Variants in ADGRV1 observed in about 807,000 individuals in gnomAD.
The protein encoded by ADGRV1 is G-protein coupled receptor 98.
A neutral mutation model predicts 596.2 loss-of-function variants in ADGRV1; 359 were observed. The observed-to-expected ratio is 0.60, with a 90% CI of 0.55 to 0.66. ADGRV1 has a LOEUF of 0.66. Among genes scored for constraint, ADGRV1 ranks in the 30% least tolerant of loss-of-function variants. The pLI is 0.00. For synonymous variants in ADGRV1, 2,681 were observed against 2,679.2 expected (o/e 1.00, Z -0.02); for missense variants, 7,274 against 7,575.6 (o/e 0.96, Z 1.48).
intron 85 of ADGRV1, among the ~76,000 whole-genome samples, chr5:91,041,222 G>A (rs1431379426): frequency 6.6e-6 from 1 of 152,084 alleles, no homozygotes; most frequent in Admixed American, 6.5e-5. Context: ...CAATAGCAAA[G>A]ACTTGGAACC....
intron 72 of ADGRV1, among the ~76,000 whole-genome samples, chr5:90,806,954 G>A (rs1339967414): frequency 3.9e-5 from 6 of 151,986 alleles, no homozygotes; most frequent in Non-Finnish European, 1.5e-5. Context: ...CCGGGCTCAA[G>A]GTATTCTCCT....
At chr5:90,988,581 T>C (rs1393056864) in intron 85 of ADGRV1, among the ~76,000 whole-genome samples, 2 of 152,082 alleles carry the variant, frequency 1.3e-5, no homozygotes, top group Non-Finnish European at 2.9e-5. Context: ...CTGAGCTCCA[T>C]ACCCATATTA....
chr5:90,570,877 A>G (rs1408519292), intron 1 of ADGRV1, among the ~76,000 whole-genome samples: 1 of 152,042 alleles, frequency 6.6e-6, no homozygotes, highest in Non-Finnish European at 1.5e-5. Flanking sequence ...AATATATTTA[A>G]AACAGTTGAT....
chr5:90,644,921 T>G, intron 15 of ADGRV1, 52 bp downstream of exon 15: 1 of 1,228,568 alleles, frequency 8.1e-7, no homozygotes, highest in South Asian at 1.7e-5. Flanking sequence ...GATCAATAAT[T>G]ATTTTTTATT....
At position 90,720,084 on chromosome 5, in the gene ADGRV1, G is replaced by A; in HGVS notation, c.9484G>A (p.Glu3162Lys). The A allele has an allele frequency of 1.9e-6, 3 of 1,613,772 alleles. No individual in the cohort carries two copies. Among genetic ancestry groups the A allele is most frequent in the Non-Finnish European group, 2.5e-6 (3 of 1,179,708 alleles). The part of the protein sequence containing the change: ...QISAILDTEP[E>K]MDEYFVCTLF... The stretch of plus-strand genomic sequence containing the variant: ...ATCTGCCATATTAGACACGGAACCA[G>A]AAATGGATGAGTATTTTGTTTGCAC... Residue 3162 changes from glutamate (E) to lysine (K), a missense_variant, in exon 44 of 90, where the codon GAA (glutamate) becomes AAA (lysine). By Grantham distance (56) the Glu-to-Lys change is moderately conservative. Coordinates refer to ENST00000405460, the MANE Select transcript of ADGRV1 (RefSeq NM_032119.4).
chr5:90,751,127 T>G (rs1411193336), intron 53 of ADGRV1, among the ~76,000 whole-genome samples: 1 of 152,102 alleles, frequency 6.6e-6, no homozygotes, highest in Non-Finnish European at 1.5e-5. Flanking sequence ...GGGCTTCCTG[T>G]AAATAGACTC....
intron 59 of ADGRV1, among the ~76,000 whole-genome samples, chr5:90,770,276 TATC>T (rs1217753627): frequency 1.3e-5 from 2 of 152,110 alleles, no homozygotes; most frequent in Admixed American, 6.5e-5. Flanking sequence ...TCTTACTCAT[TATC>T]ATGAGAACAC....
chr5:90,586,248 G>C lies in ADGRV1; in HGVS notation c.22+27331G>C, dbSNP rs371763738. Among the ~76,000 whole-genome samples the C allele has an allele frequency of 2.2e-4, 33 of 152,308 alleles. 1 individual carries two copies. In the East Asian group the frequency reaches 4.8e-3, roughly 22 times the overall value. ...GTATGTCTACATAATATAGAGTGCA[G>C]CTATAAAATGTATGGATATTTTCCT... is the stretch of plus-strand genomic sequence containing the variant. On this transcript the variant is annotated intron_variant, in intron 1 of 89. Transcript: ENST00000405460.
chr5:90,608,616 TA>T (rs1762380380), intron 1 of ADGRV1, among the ~76,000 whole-genome samples: 1 of 152,134 alleles, frequency 6.6e-6, no homozygotes, highest in Non-Finnish European at 1.5e-5. Flanking sequence ...TGATAATGCC[TA>T]ACATACAAGA....
intron 83 of ADGRV1, among the ~76,000 whole-genome samples, chr5:90,877,285 G>A (rs1178573757): frequency 6.6e-6 from 1 of 152,130 alleles, no homozygotes; most frequent in Non-Finnish European, 1.5e-5. Context: ...AATCTGGGTT[G>A]GTTCAACTGG....
chr5:90,902,627 A>G (rs1440588740), intron 83 of ADGRV1, among the ~76,000 whole-genome samples: 2 of 152,136 alleles, frequency 1.3e-5, no homozygotes, highest in Admixed American at 1.3e-4. Context: ...TACTTGTGCA[A>G]TTAGGTTCTA....
rs781662210 is a variant in ADGRV1, at chr5:90,810,943, A to T, written c.15683A>T (p.Tyr5228Phe). The change falls in exon 74 of 90, where the codon TAT becomes TTT. Residue 5228 changes from tyrosine (Y) to phenylalanine (F), a missense_variant. Transcript: ENST00000405460. ...GTFSLGPSIV[Y>F]IEEEMKNGTF... Reference sequence around the variant, plus strand: ...TTCAGCCTTGGGCCATCCATTGTTTATATTGAAGAGGAGATGAAGAATGGC... The same window carrying T: ...TTCAGCCTTGGGCCATCCATTGTTTTTATTGAAGAGGAGATGAAGAATGGC... 1.4e-5 allele frequency: 23 copies of T among 1,613,878 alleles called. No homozygotes were observed. The highest frequency in any genetic ancestry group is 5.0e-5 in the Admixed American group (3 of 59,998).
intron 87 of ADGRV1, among the ~76,000 whole-genome samples, chr5:91,129,597 A>G (rs1351054755): frequency 1.3e-5 from 2 of 152,210 alleles, no homozygotes; most frequent in Non-Finnish European, 2.9e-5. Flanking sequence ...GATGGAATTT[A>G]TGCTTGGCTG....
At position 91,086,650 on chromosome 5, in the gene ADGRV1, G is replaced by C. The variant is rs557380934; in HGVS notation, c.18310+14046G>C. Reference sequence around the variant, plus strand: ...GCTCTCTTACTCTTTTCTGATTTGAGGGTACTACTAGAGATTCTGTCTCTA... The same window carrying C: ...GCTCTCTTACTCTTTTCTGATTTGACGGTACTACTAGAGATTCTGTCTCTA... On this transcript the variant is annotated intron_variant, in intron 86 of 89. Coordinates refer to ENST00000405460, the MANE Select transcript of ADGRV1 (RefSeq NM_032119.4). 2.6e-5 allele frequency among the ~76,000 whole-genome samples: 4 copies of C among 152,184 alleles called. 1 individual carries two copies. Among genetic ancestry groups the C allele is most frequent in the African/African-American group, 9.6e-5 (4 of 41,558 alleles).
At chr5:90,969,941 G>A (rs1224604878) in intron 84 of ADGRV1, among the ~76,000 whole-genome samples, 1 of 152,252 alleles carries the variant, frequency 6.6e-6, no homozygotes, top group East Asian at 1.9e-4. Context: ...CCTCACCAGG[G>A]AAGTGCAAGC....
intron 34 of ADGRV1, among the ~76,000 whole-genome samples, chr5:90,699,627 G>T (rs141768559): frequency 6.6e-6 from 1 of 152,190 alleles, no homozygotes; most frequent in East Asian, 1.9e-4. Context: ...TAACTGTAGG[G>T]CCACTAATGT....
intron 77 of ADGRV1, among the ~76,000 whole-genome samples, chr5:90,836,811 A>G (rs775419258): frequency 1.3e-5 from 2 of 152,188 alleles, no homozygotes; most frequent in Non-Finnish European, 2.9e-5. Context: ...AAGTTTAAAC[A>G]ATTGGAAATG....
Position 90,853,388 on chromosome 5 carries a change from A to G in ADGRV1, c.17309A>G (p.Tyr5770Cys). 1 of 1,613,584 alleles carries G rather than the reference A, an allele frequency of 6.2e-7. No individual in the cohort carries two copies. The highest frequency in any genetic ancestry group is 8.5e-7 in the Non-Finnish European group (1 of 1,179,564). The change falls in exon 80 of 90, where the codon TAC becomes TGC. Residue 5770 changes from tyrosine to cysteine, a missense_variant. By Grantham distance (194) the Tyr-to-Cys change is radical. Coordinates refer to ENST00000405460, the MANE Select transcript of ADGRV1 (RefSeq NM_032119.4). ...AAGTTTGAAGGAAAGGAAGGAGATT[A>G]CATTCGAATTCCAGAGAGGCTACTG... ...GHKFEGKEGD[Y>C]IRIPERLLDV...
At chr5:90,803,878 A>G (rs1020377478) in intron 71 of ADGRV1, among the ~76,000 whole-genome samples, 10 of 152,044 alleles carry the variant, frequency 6.6e-5, no homozygotes, top group African/African-American at 2.2e-4. Context: ...AACATTTCCT[A>G]CTCCTTATCC....
Sources: allele counts gnomAD v4.1 joint callset (sites outside exome capture counted in the v4.1 genomes callset), GRCh38; gene constraint gnomAD v4.1.1; transcripts MANE v1.5; gene names NCBI Gene and HGNC (gene_info 2026-07-23, HGNC 2026-07-21).